The following SVEP1 variants were observed in gnomAD, a reference collection of about 807,000 sequenced individuals.
SVEP1 encodes the protein sushi, von Willebrand factor type A, EGF and pentraxin domain-containing protein 1.
In SVEP1, 164 loss-of-function variants were observed where a neutral mutation model predicts 367.3. The observed-to-expected ratio is 0.45, with a 90% CI of 0.39 to 0.51. The LOEUF (loss-of-function observed/expected upper bound fraction) is 0.51. Among genes scored for constraint, SVEP1 ranks in the 20% least tolerant of loss-of-function variants. The pLI is 0.00. For synonymous variants in SVEP1, 1,666 were observed against 1,611.6 expected, an observed-to-expected ratio of 1.03 and a Z score of -0.81; for missense variants, 4,117 against 4,425.3, an observed-to-expected ratio of 0.93 and a Z score of 1.98.
chr9:110,455,627 A>G lies in SVEP1; in HGVS notation c.3750T>C (p.Val1250=), dbSNP rs1305563041. The part of the protein sequence containing the change: ...CLNNGVCKDL[V]GEFICECPSG... The stretch of plus-strand genomic sequence containing the variant: ...ATGGGCACTCACAAATGAATTCCCC[A>G]ACTAGGTCTTTACAAACTCCATTGT... The change falls in exon 22 of 48, where the codon GTT becomes GTC. Residue 1250 remains valine, a synonymous_variant. Coordinates refer to ENST00000374469, the MANE Select transcript of SVEP1 (RefSeq NM_153366.4). The G allele has an allele frequency of 6.2e-7, 1 of 1,613,646 alleles. No homozygotes were observed. The highest frequency in any genetic ancestry group is 1.7e-5 in the Admixed American group (1 of 59,968).
intron 42 of SVEP1, among the ~76,000 whole-genome samples, chr9:110,386,643 C>A (rs1827527192): frequency 6.6e-6 from 1 of 151,970 alleles, no homozygotes; most frequent in Non-Finnish European, 1.5e-5. Flanking sequence ...TGTTATAGGC[C>A]CGAGGGAAAC....
At chr9:110,389,692 G>A (rs1165730881) in intron 40 of SVEP1, 105 bp from the exon 41 acceptor site, 5 of 1,197,062 alleles carry the variant, frequency 4.2e-6, no homozygotes, top group Admixed American at 2.3e-5. Context: ...GCTCAGCACT[G>A]GAATGCTAAA....
chr9:110,449,230 CAT>C (rs1828653534), intron 24 of SVEP1, among the ~76,000 whole-genome samples: 1 of 152,078 alleles, frequency 6.6e-6, no homozygotes, highest in Non-Finnish European at 1.5e-5. Flanking sequence ...CTCAGGGAGA[CAT>C]AGTCTTTCTG....
At chr9:110,470,826 C>T (rs574235427) in intron 16 of SVEP1, among the ~76,000 whole-genome samples, 4 of 151,160 alleles carry the variant, frequency 2.6e-5, no homozygotes, top group Non-Finnish European at 5.9e-5. Context: ...CTGTGCACAA[C>T]GTGCAGGTTT....
intron 36 of SVEP1, among the ~76,000 whole-genome samples, chr9:110,413,285 A>G (rs1314459919): frequency 1.2e-4 from 18 of 149,172 alleles, no homozygotes; most frequent in African/African-American, 3.7e-4. Context: ...GTAAACTATC[A>G]CAAGAACAAA....
chr9:110,407,254 C>T lies in SVEP1; in HGVS notation c.8346G>A (p.Met2782Ile). ...AGTTGCTTCCTTTGATGGATCCATTCATGACTGGATTTGGCTTTTTGCATG... is the reference window on the plus strand; with the variant it reads ...AGTTGCTTCCTTTGATGGATCCATTTATGACTGGATTTGGCTTTTTGCATG... The part of the protein sequence containing the change: ...AISCKKPNPV[M>I]NGSIKGSNYT... The change falls in exon 38 of 48, where the codon ATG (methionine) becomes ATA (isoleucine). Residue 2782 changes from methionine (M) to isoleucine (I), a missense_variant. Physicochemically the swap from Met to Ile is conservative, Grantham distance 10. Around this residue, in one of 4 missense-constraint regions of SVEP1, gnomAD observed 1,765 missense variants for 1,781.1 expected, o/e 0.99. Coordinates refer to ENST00000374469, the MANE Select transcript of SVEP1 (RefSeq NM_153366.4). 12 of 1,613,986 alleles carry T rather than the reference C, an allele frequency of 7.4e-6. No individual in the cohort carries two copies. Among genetic ancestry groups the T allele is most frequent in the Non-Finnish European group, 1.0e-5 (12 of 1,179,892 alleles).
chr9:110,532,221 C>G (rs1300266824), intron 3 of SVEP1, among the ~76,000 whole-genome samples: 3 of 151,908 alleles, frequency 2.0e-5, no homozygotes. Context: ...TAATCTTGCC[C>G]CAGAGGAATT....
chr9:110,467,013 T>G (rs1828949417), intron 17 of SVEP1, among the ~76,000 whole-genome samples: 1 of 152,062 alleles, frequency 6.6e-6, no homozygotes. Context: ...TCCAAACAAC[T>G]CTCCTTTTCA....
chr9:110,528,416 T>C (rs937345956), intron 3 of SVEP1, among the ~76,000 whole-genome samples: 2 of 151,720 alleles, frequency 1.3e-5, no homozygotes, highest in Non-Finnish European at 2.9e-5. Flanking sequence ...CTACTTTACA[T>C]TTCCAATAGC....
At chr9:110,502,531 A>G (rs1057132808) in intron 6 of SVEP1, among the ~76,000 whole-genome samples, 6 of 152,184 alleles carry the variant, frequency 3.9e-5, no homozygotes, top group African/African-American at 1.4e-4. Context: ...CATTTACTTA[A>G]ACAATTCTGG....
intron 1 of SVEP1, among the ~76,000 whole-genome samples, chr9:110,575,233 G>A (rs1171607014): frequency 6.6e-6 from 1 of 152,222 alleles, no homozygotes; most frequent in Non-Finnish European, 1.5e-5. Flanking sequence ...GTTCAAGACA[G>A]GATGTAGTAG....
Position 110,457,297 on chromosome 9 carries a change from A to C in SVEP1, c.3632T>G (p.Leu1211Arg). ...PCHNSGTCQQLGRGYVCLCPL... is the reference protein window; with the variant it reads ...PCHNSGTCQQRGRGYVCLCPL... Reference sequence around the variant, plus strand: ...ACAGAGACAAACATAACCACGCCCAAGTTGCTGGCAGGTTCCACTATTGTG... The same window carrying C: ...ACAGAGACAAACATAACCACGCCCACGTTGCTGGCAGGTTCCACTATTGTG... Residue 1211 changes from leucine (L) to arginine (R), a missense_variant, in exon 21 of 48, where the codon CTT (leucine) becomes CGT (arginine). Leu to Arg is a moderately radical substitution (Grantham distance 102). Around this residue, in one of 4 missense-constraint regions of SVEP1, gnomAD observed 2,174 missense variants for 2,494.3 expected, o/e 0.87. Transcript: ENST00000374469. 1.2e-6 allele frequency: 2 copies of C among 1,612,868 alleles called. No individual in the cohort carries two copies. Among genetic ancestry groups the C allele is most frequent in the Non-Finnish European group, 1.7e-6 (2 of 1,179,656 alleles).
chr9:110,414,272 CCTAA>C (rs965886507), intron 36 of SVEP1, among the ~76,000 whole-genome samples: 11 of 151,934 alleles, frequency 7.2e-5, no homozygotes, highest in African/African-American at 4.8e-5. Flanking sequence ...ATTCCTTCAT[CCTAA>C]CTGACAATAT....
chr9:110,409,766 GAAAAT>G (rs1462543884), intron 37 of SVEP1, among the ~76,000 whole-genome samples: 2 of 151,982 alleles, frequency 1.3e-5, no homozygotes, highest in African/African-American at 2.4e-5. Flanking sequence ...TGTAACAATA[GAAAAT>G]AATATCCTAT....
intron 1 of SVEP1, among the ~76,000 whole-genome samples, chr9:110,553,333 G>T (rs968043846): frequency 6.6e-6 from 1 of 152,192 alleles, no homozygotes; most frequent in African/African-American, 2.4e-5. Flanking sequence ...CCTACGTGAG[G>T]TTTCTGTCAT....
rs1427526341 is a variant in SVEP1, at chr9:110,562,080, A to G, written c.532-11976T>C. On this transcript the variant is annotated intron_variant, in intron 1 of 47. Coordinates refer to ENST00000374469, the MANE Select transcript of SVEP1 (RefSeq NM_153366.4). ...ATGGACCCATAGGGACAGTACATCA[A>G]ATTGGGAAATGGTACGCACAGGAGT... Among the ~76,000 whole-genome samples the G allele has an allele frequency of 2.0e-5, 3 of 152,182 alleles. No homozygotes were observed. The East Asian group carries it at 5.8e-4, about 29-fold the overall frequency.
In SVEP1 at chr9:110,528,156, G is replaced by GTGTGTGTGTATGTATATATATA; in HGVS notation, c.965-14051_965-14050insTATATATATACATACACACACA. ...CGTGTGTGTGTGTGTGTGTGTGTGT[G>GTGTGTGTGTATGTATATATATA]TATATATATATATATATATATATAT... On this transcript the variant is annotated intron_variant, in intron 3 of 47. Coordinates refer to ENST00000374469, the MANE Select transcript of SVEP1 (RefSeq NM_153366.4). Among the ~76,000 whole-genome samples, 82 of 33,952 alleles carry GTGTGTGTGTATGTATATATATA rather than the reference G, an allele frequency of 2.4e-3. 3 individuals carry two copies. The highest frequency in any genetic ancestry group is 3.5e-3 in the Non-Finnish European group (62 of 17,542). 22.3% of individuals were successfully genotyped at this position (33,952 alleles called of 152,430 possible). A position where few individuals can be genotyped will look rare whatever the true frequency, so the allele number is the denominator to read the frequency against.
chr9:110,570,034 T>C (rs775344671), intron 1 of SVEP1, among the ~76,000 whole-genome samples: 37 of 152,212 alleles, frequency 2.4e-4, no homozygotes, highest in Non-Finnish European at 3.2e-4. Context: ...AAGTGAAGCA[T>C]TGTAACAACA....
intron 1 of SVEP1, among the ~76,000 whole-genome samples, chr9:110,576,587 GA>G (rs747062242): frequency 2.5e-4 from 38 of 151,392 alleles, no homozygotes; most frequent in African/African-American, 7.0e-4. Flanking sequence ...TATAAAAAGA[GA>G]AAAAAAGAAT....
Sources: allele counts gnomAD v4.1 joint callset (sites outside exome capture counted in the v4.1 genomes callset), GRCh38; gene constraint gnomAD v4.1.1; regional missense constraint gnomAD v4.1.1; transcripts MANE v1.5; gene names NCBI Gene and HGNC (gene_info 2026-07-23, HGNC 2026-07-21).